The following GSE1 variants were observed in gnomAD, a reference collection of about 807,000 sequenced individuals.
The protein encoded by GSE1 is genetic suppressor element 1.
Under a neutral mutation model 112.6 loss-of-function variants are expected in GSE1, and 32 were observed. The ratio of observed to expected loss-of-function variants is 0.28; its 90% CI spans 0.21 to 0.38. The LOEUF is 0.38. Among genes scored for constraint, GSE1 ranks in the 10% least tolerant of loss-of-function variants. The pLI, the probability that GSE1 is intolerant of heterozygous loss-of-function variation, is 1.00. For synonymous variants in GSE1, 1,115 were observed against 735.6 expected (o/e 1.52, Z -8.35); for missense variants, 2,348 against 1,699.2 (o/e 1.38, Z -6.71).
intron 1 of GSE1, among the ~76,000 whole-genome samples, chr16:85,295,082 C>G (rs144661707): frequency 5.3e-5 from 8 of 151,998 alleles, no homozygotes; most frequent in Non-Finnish European, 8.8e-5. Context: ...CTCCTAATAC[C>G]ATCACCTCGA....
chr16:85,668,421 G>C lies in GSE1; in HGVS notation c.3412G>C (p.Glu1138Gln). ...TTTTGAAGCTTACCAGGAACACATA[G>C]AAGGTAAGGGGGTGCTGGGGAAGAG... ...AVFEAYQEHI[E>Q]EQNLERQVLQ... Residue 1138 changes from glutamate (E) to glutamine (Q), a missense_variant, in exon 14 of 16, where the codon GAA (glutamate) becomes CAA (glutamine). By Grantham distance (29) the Glu-to-Gln change is conservative (BLOSUM62 2). Transcript: ENST00000253458. The C allele has an allele frequency of 6.7e-7, 1 of 1,488,202 alleles. No homozygotes were observed. The highest frequency in any genetic ancestry group is 9.3e-7 in the Non-Finnish European group (1 of 1,073,794). The allele number at this position is 1,488,202 out of a possible 1,614,324, so 92.2% of individuals were successfully genotyped here.
intron 2 of GSE1, among the ~76,000 whole-genome samples, chr16:85,503,158 G>T (rs2051427268): frequency 6.6e-6 from 1 of 152,264 alleles, no homozygotes; most frequent in African/African-American, 2.4e-5. Flanking sequence ...TAGAACAGCA[G>T]GAGGCCAGAG....
chr16:85,246,333 C>CA (rs1567636056), intron 1 of GSE1, among the ~76,000 whole-genome samples: 4,382 of 31,378 alleles, frequency 0.14, 312 homozygotes, highest in Admixed American at 0.19. Context: ...ACACACACAC[C>CA]CCCCACACGC....
rs56002818 is a variant in GSE1, at chr16:85,231,075, G to GGGATGGAT, written c.2283+59284_2283+59291dup. Among the ~76,000 whole-genome samples, 63 of 123,922 alleles carry GGGATGGAT rather than the reference G, an allele frequency of 5.1e-4. 2 individuals carry two copies. Among genetic ancestry groups the GGGATGGAT allele is most frequent in the Middle Eastern group, 9.3e-3 (2 of 216 alleles). The allele number at this position is 123,922 out of a possible 152,430, so 81.3% of individuals were successfully genotyped here. A position where few individuals can be genotyped will look rare whatever the true frequency, so the allele number is the denominator to read the frequency against. On this transcript the variant is annotated intron_variant, in intron 1 of 2. Transcript: ENST00000637419. ...GATGATGGATGGATAGCTGGACAGA[G>GGGATGGAT]GGATGGATGGATGGATGGATGGACA...
intron 15 of GSE1, chr16:85,672,162 C>A: frequency 2.0e-6 from 1 of 498,012 alleles, no homozygotes. Context: ...CCATGCCTGG[C>A]TAATTTTTTT....
At chr16:85,198,207 G>C (rs2074964754) in intron 1 of GSE1, among the ~76,000 whole-genome samples, 1 of 152,174 alleles carries the variant, frequency 6.6e-6, no homozygotes, top group African/African-American at 2.4e-5. Context: ...AGGACCCACA[G>C]GGTCACTGTA....
chr16:85,170,095 G>A, exon 1 of GSE1: 1 of 985,140 alleles, frequency 1.0e-6, no homozygotes, highest in Non-Finnish European at 1.2e-6. Flanking sequence ...GCCCGCGCGG[G>A]ACGCCGCCAG....
chr16:85,274,167 C>T (rs989621224), intron 1 of GSE1, among the ~76,000 whole-genome samples: 3 of 151,380 alleles, frequency 2.0e-5, no homozygotes, highest in South Asian at 2.1e-4. Context: ...GGCTGGATCA[C>T]GAGGTTAGGA....
chr16:85,622,000 C>G (rs1477680278), intron 1 of GSE1, among the ~76,000 whole-genome samples: 1 of 152,198 alleles, frequency 6.6e-6, no homozygotes, highest in Non-Finnish European at 1.5e-5. Flanking sequence ...CAGGTCTGCA[C>G]CTGACTGGGA....
rs1200180967 is a variant in GSE1 at position 85,668,344 on chromosome 16, GAGA to G, written c.3339_3341del (p.Glu1113del). On this transcript the variant is annotated inframe_deletion, in exon 14 of 16. Coordinates refer to ENST00000253458, the MANE Select transcript of GSE1 (RefSeq NM_014615.5). ...GAGGAAGAGGAGGATGATGAAGATG[GAGA>G]AGATGAGGAGGAAGTCCCCAAGCGC... is the stretch of plus-strand genomic sequence containing the variant. 5 of 1,613,294 alleles carry G rather than the reference GAGA, an allele frequency of 3.1e-6. No homozygotes were observed. Among genetic ancestry groups the G allele is most frequent in the South Asian group, 2.2e-5 (2 of 91,074 alleles).
At chr16:85,435,901 G>T (rs1191695469) in intron 2 of GSE1, among the ~76,000 whole-genome samples, 2 of 152,104 alleles carry the variant, frequency 1.3e-5, no homozygotes, top group East Asian at 3.9e-4. Context: ...GGCCACAGGG[G>T]ACTTGTGTGT....
At chr16:85,630,714 C>T (rs1045748305) in intron 1 of GSE1, among the ~76,000 whole-genome samples, 8 of 152,176 alleles carry the variant, frequency 5.3e-5, no homozygotes, top group East Asian at 1.9e-4. Flanking sequence ...ATGGTTGGGC[C>T]GTGTACTGGG....
At chr16:85,472,415 C>T (rs112485003) in intron 2 of GSE1, among the ~76,000 whole-genome samples, 8 of 152,196 alleles carry the variant, frequency 5.3e-5, no homozygotes, top group Non-Finnish European at 7.3e-5. Context: ...TCTCCTCCCG[C>T]GGCCTTCTTT....
chr16:85,200,070 G>C (rs976308040), intron 1 of GSE1, among the ~76,000 whole-genome samples: 1 of 152,162 alleles, frequency 6.6e-6, no homozygotes, highest in African/African-American at 2.4e-5. Flanking sequence ...CGTCTCCTCT[G>C]TTATCCCACC....
intron 2 of GSE1, among the ~76,000 whole-genome samples, chr16:85,478,843 CT>C (rs1476213146): frequency 2.4e-4 from 1 of 4,178 alleles, no homozygotes; most frequent in Non-Finnish European, 6.3e-4. Flanking sequence ...CATTTATTTT[CT>C]TTCTTTCTTT....
At chr16:85,239,941 T>G (rs186188686) in intron 1 of GSE1, among the ~76,000 whole-genome samples, 2 of 152,350 alleles carry the variant, frequency 1.3e-5, no homozygotes, top group Admixed American at 1.3e-4. Flanking sequence ...GGGTGCATCC[T>G]TCTGCATCAG....
upstream of GSE1, among the ~76,000 whole-genome samples, chr16:85,612,515 G>T (rs2048058806): frequency 1.3e-5 from 2 of 152,164 alleles, no homozygotes. Context: ...CCCTGGCGAA[G>T]CGGCGCCTCC....
chr16:85,315,380 G>C (rs918591431), intron 1 of GSE1, among the ~76,000 whole-genome samples: 3 of 152,198 alleles, frequency 2.0e-5, no homozygotes, highest in Non-Finnish European at 2.9e-5. Flanking sequence ...AACAGGCAGG[G>C]AACAGGCCGT....
intron 1 of GSE1, among the ~76,000 whole-genome samples, chr16:85,178,104 C>T (rs181112793): frequency 1.1e-3 from 173 of 152,286 alleles, no homozygotes; most frequent in Non-Finnish European, 2.1e-3. Context: ...GTGAAGAGGT[C>T]CAGCCGTGGT....
Sources: gnomAD v4.1 joint callset for allele counts (sites outside exome capture counted in the v4.1 genomes callset) on GRCh38, gnomAD v4.1.1 for gene constraint, MANE v1.5 for transcripts, NCBI Gene and HGNC (gene_info 2026-07-23, HGNC 2026-07-21) for gene names.